The following ADGRF5 variants were observed in gnomAD, a reference collection of about 807,000 sequenced individuals.
ADGRF5 encodes adhesion G protein-coupled receptor F5.
A neutral mutation model predicts 132.3 loss-of-function variants in ADGRF5; 75 were observed. That is an observed-to-expected ratio of 0.57 (90% CI 0.47 to 0.69). The LOEUF (loss-of-function observed/expected upper bound fraction) is 0.69, where lower values mean the gene tolerates loss of function less well. Ranked by LOEUF, ADGRF5 falls within the 30% of genes least tolerant of loss-of-function variation. The pLI is 0.00. For missense variants in ADGRF5, 1,516 were observed against 1,630.6 expected (o/e 0.93, Z 1.21); for synonymous variants, 629 against 597.6 (o/e 1.05, Z -0.77).
intron 1 of ADGRF5, among the ~76,000 whole-genome samples, chr6:46,931,594 C>A (rs760055770): frequency 6.6e-6 from 1 of 152,232 alleles, no homozygotes; most frequent in Non-Finnish European, 1.5e-5. Flanking sequence ...TCCCTCCTCT[C>A]GGTCTCCTTA....
At chr6:46,888,230 T>G in intron 4 of ADGRF5, 105 bp downstream of exon 4, 3 of 779,078 alleles carry the variant, frequency 3.9e-6, no homozygotes, top group Admixed American at 2.3e-5. Context: ...GGTGAGTCAT[T>G]TCACTTGCCT....
At chr6:46,875,223 G>A (rs1271244293) in intron 10 of ADGRF5, among the ~76,000 whole-genome samples, 1 of 152,146 alleles carries the variant, frequency 6.6e-6, no homozygotes, top group Non-Finnish European at 1.5e-5. Context: ...AACACAAGCA[G>A]GACTTCCAAA....
At chr6:46,888,542 C>A in intron 3 of ADGRF5, 37 bp from the exon 4 acceptor site, 3 of 1,441,468 alleles carry the variant, frequency 2.1e-6, no homozygotes, top group South Asian at 2.3e-5. Context: ...GAGAACTTAC[C>A]ATGGGAGATG....
At chr6:46,879,732 A>G (rs1421342142) in intron 9 of ADGRF5, 86 bp downstream of exon 9, 6 of 911,044 alleles carry the variant, frequency 6.6e-6, no homozygotes, top group East Asian at 2.4e-5. Flanking sequence ...CACTATCTAC[A>G]TAGCTACGTA....
chr6:46,922,294 G>T (rs981106301), upstream of ADGRF5, among the ~76,000 whole-genome samples: 14 of 152,148 alleles, frequency 9.2e-5, no homozygotes, highest in African/African-American at 3.4e-4. Flanking sequence ...CTTTAGCAGT[G>T]CCAAGAAAGC....
chr6:46,858,962 C>T lies in ADGRF5; in HGVS notation c.2941G>A (p.Asp981Asn). The T allele has an allele frequency of 6.2e-7, 1 of 1,613,702 alleles. No homozygotes were observed. The highest frequency in any genetic ancestry group is 2.2e-5 in the East Asian group (1 of 44,860). Residue 981 changes from aspartate (D) to asparagine (N), a missense_variant, in exon 17 of 21, where the codon GAC becomes AAC. Asp to Asn is a conservative substitution (Grantham distance 23). Coordinates refer to ENST00000283296, the MANE Select transcript of ADGRF5 (RefSeq NM_001098518.2). ...SGCYVEEGDG[D>N]NVTCICDHLT... ...TGGTCACAGATACAGGTGACATTGTCCCCATCACCTTCTTCTACATAGCAC... is the reference window on the plus strand; with the variant it reads ...TGGTCACAGATACAGGTGACATTGTTCCCATCACCTTCTTCTACATAGCAC...
chr6:46,884,788 G>C (rs1258992225), intron 4 of ADGRF5, among the ~76,000 whole-genome samples: 3 of 152,202 alleles, frequency 2.0e-5, no homozygotes, highest in Admixed American at 6.5e-5. Context: ...TCTGGGGGAA[G>C]TTGACTGCCA....
Position 46,900,086 on chromosome 6 carries a change from G to C in ADGRF5, c.103-3C>G. 6.2e-7 allele frequency: 1 copy of C among 1,609,584 alleles called. No individual in the cohort carries two copies. The highest frequency in any genetic ancestry group is 8.5e-7 in the Non-Finnish European group (1 of 1,175,894). On this transcript the variant is annotated splice_region_variant and splice_polypyrimidine_tract_variant and intron_variant, in intron 2 of 20. Coordinates refer to ENST00000283296, the MANE Select transcript of ADGRF5 (RefSeq NM_001098518.2). ...GCTGGTTCATGTTCATGAAGACTCT[G>C]AAAAGAACATTTGAGAAAGTTGTCA... is the stretch of plus-strand genomic sequence containing the variant.
At chr6:46,914,853 TTTTG>T (rs1281395912) in intron 1 of ADGRF5, among the ~76,000 whole-genome samples, 7 of 151,874 alleles carry the variant, frequency 4.6e-5, no homozygotes, top group Admixed American at 2.6e-4. Context: ...TTTTTATTTT[TTTTG>T]TTTGTTTGTT....
chr6:46,854,165 C>G, intron 20 of ADGRF5, 94 bp from the exon 21 acceptor site: 1 of 828,722 alleles, frequency 1.2e-6, no homozygotes, highest in South Asian at 1.9e-5. Context: ...AGCAGTGGTC[C>G]AGGTGCCAGG....
Position 46,883,495 on chromosome 6 carries a change from T to C in ADGRF5, c.612+64A>G. The stretch of plus-strand genomic sequence containing the variant: ...AGATCCAAGCCATGTTCATTGTGAA[T>C]GCAATAGACTCAGTTCAGTCCAAAC... On this transcript the variant is annotated intron_variant, in intron 6 of 20. Coordinates refer to ENST00000283296, the MANE Select transcript of ADGRF5 (RefSeq NM_001098518.2). 3.9e-6 allele frequency: 3 copies of C among 772,942 alleles called. No individual in the cohort carries two copies. In the South Asian group the frequency reaches 4.8e-5, roughly 12 times the overall value. 47.9% of individuals were successfully genotyped at this position (772,942 alleles called of 1,614,324 possible).
intron 1 of ADGRF5, among the ~76,000 whole-genome samples, chr6:46,907,643 T>C (rs1775529589): frequency 6.6e-6 from 1 of 152,194 alleles, no homozygotes; most frequent in Non-Finnish European, 1.5e-5. Flanking sequence ...CTAGAAGGTC[T>C]AGGGACCAAG....
At chr6:46,864,491 A>G (rs1483537576) in intron 14 of ADGRF5, among the ~76,000 whole-genome samples, 1 of 150,570 alleles carries the variant, frequency 6.6e-6, no homozygotes, top group African/African-American at 2.5e-5. Context: ...CACCCACAAC[A>G]TTTCTATTTA....
intron 4 of ADGRF5, among the ~76,000 whole-genome samples, chr6:46,887,305 G>A (rs1290155837): frequency 3.3e-5 from 5 of 152,148 alleles, no homozygotes; most frequent in Non-Finnish European, 7.3e-5. Flanking sequence ...GATCTGTGCC[G>A]GGTGGGAACA....
upstream of ADGRF5, among the ~76,000 whole-genome samples, chr6:46,923,526 T>C (rs1777100185): frequency 6.6e-6 from 1 of 152,162 alleles, no homozygotes; most frequent in Admixed American, 6.5e-5. Flanking sequence ...TTCTCAACTG[T>C]AGTCTACACG....
intron 3 of ADGRF5, among the ~76,000 whole-genome samples, chr6:46,896,540 TTAAAAAACTATTAAAAGAAAAA>T (rs1318070116): frequency 6.6e-6 from 1 of 152,156 alleles, no homozygotes; most frequent in Non-Finnish European, 1.5e-5. Flanking sequence ...TTAAATTTCT[TTAAAAAACTATTAAAAGAAAAA>T]TAAACACCAG....
intron 3 of ADGRF5, among the ~76,000 whole-genome samples, chr6:46,889,778 GTGTA>G (rs1773458136): frequency 2.2e-5 from 2 of 91,224 alleles, no homozygotes. Flanking sequence ...TTATGTGTGT[GTGTA>G]TATATATATA....
chr6:46,945,297 A>G (rs940408061), intron 1 of ADGRF5, among the ~76,000 whole-genome samples: 15 of 152,356 alleles, frequency 9.8e-5, no homozygotes, highest in Middle Eastern at 3.4e-3. Flanking sequence ...TTAGTAACCT[A>G]TATGTGAGTG....
chr6:46,871,727 A>T (rs1771082828), intron 11 of ADGRF5, 116 bp downstream of exon 11: 1 of 637,092 alleles, frequency 1.6e-6, no homozygotes, highest in Admixed American at 2.7e-5. Context: ...CCCTAACCAC[A>T]CTCCCTCTCT....
Sources: allele counts gnomAD v4.1 joint callset (sites outside exome capture counted in the v4.1 genomes callset), GRCh38; gene constraint gnomAD v4.1.1; transcripts MANE v1.5; gene names NCBI Gene and HGNC (gene_info 2026-07-23, HGNC 2026-07-21).